Variants in PIK3R1 observed in about 807,000 individuals in gnomAD.
PIK3R1 encodes phosphoinositide-3-kinase regulatory subunit 1, also known as phosphatidylinositol 3-kinase regulatory subunit alpha.
A neutral mutation model predicts 98.0 loss-of-function variants in PIK3R1; 29 were observed. The ratio of observed to expected loss-of-function variants is 0.30; its 90% confidence interval spans 0.22 to 0.40. The LOEUF is 0.40. Ranked by LOEUF, PIK3R1 falls within the 10% of genes least tolerant of loss-of-function variation. The probability of loss-of-function intolerance (pLI) is 1.00; values close to 1 mark genes in which losing one functional copy is unlikely to be tolerated. For missense variants in PIK3R1, 596 were observed against 872.7 expected, an observed-to-expected ratio of 0.68 and a Z score of 3.99; for synonymous variants, 282 against 311.8, an observed-to-expected ratio of 0.90 and a Z score of 1.01.
In PIK3R1 at chr5:68,297,835, T is replaced by A. The variant is rs1747815513; in HGVS notation, c.*234T>A. On this transcript the variant is annotated 3_prime_UTR_variant, in exon 16 of 16. Coordinates refer to ENST00000521381, the MANE Select transcript of PIK3R1 (RefSeq NM_181523.3). ...AGTGCTTATCCCTTCTTTTTCTTTT[T>A]TTCTTTGGTTTAATTTAAAGCCACA... 2.8e-6 allele frequency: 1 copy of A among 357,704 alleles called. No homozygotes were observed. The highest frequency in any genetic ancestry group is 5.0e-6 in the Non-Finnish European group (1 of 198,894). The allele number at this position is 357,704 out of a possible 1,614,324, so 22.2% of individuals were successfully genotyped here.
chr5:68,257,450 G>T (rs1007742167), intron 2 of PIK3R1, among the ~76,000 whole-genome samples: 14 of 152,218 alleles, frequency 9.2e-5, no homozygotes, highest in African/African-American at 3.4e-4. Flanking sequence ...CCTTTGGCTG[G>T]CTGGCTGTGC....
rs371835829 is a variant in PIK3R1, at chr5:68,255,925, G to T, written c.335-17465G>T. Among the ~76,000 whole-genome samples, 6 of 152,344 alleles carry T rather than the reference G, an allele frequency of 3.9e-5. No individual in the cohort carries two copies. In the East Asian group the frequency reaches 7.7e-4, roughly 20 times the overall value. On this transcript the variant is annotated intron_variant, in intron 2 of 15. Coordinates refer to ENST00000521381, the MANE Select transcript of PIK3R1 (RefSeq NM_181523.3). ...AACCACAGAGCCATGGGCCTTGCAG[G>T]CTTGGTAACTGACTGCCTTTGTGGT...
chr5:68,260,994 TAA>T (rs1263145386), intron 2 of PIK3R1, among the ~76,000 whole-genome samples: 2 of 152,208 alleles, frequency 1.3e-5, no homozygotes, highest in Non-Finnish European at 2.9e-5. Flanking sequence ...TTAGAAATTA[TAA>T]GTTAGTGTAG....
intron 2 of PIK3R1, among the ~76,000 whole-genome samples, chr5:68,270,721 CTT>C (rs1746320264): frequency 6.6e-6 from 1 of 152,082 alleles, no homozygotes; most frequent in African/African-American, 2.4e-5. Flanking sequence ...ATAAATAACA[CTT>C]TTCTACATCA....
At position 68,301,517 on chromosome 5, in the gene PIK3R1, AAAATC is replaced by A. The variant is rs1748100834; in HGVS notation, c.*3920_*3924del. On this transcript the variant is annotated 3_prime_UTR_variant, in exon 16 of 16. Coordinates refer to ENST00000521381, the MANE Select transcript of PIK3R1 (RefSeq NM_181523.3). ...ATGCACATATATATATGTATTTAAA[AAAATC>A]AAAACAAAAAAAAACTCATTTATAC... The A allele has an allele frequency of 6.7e-6, 1 of 150,142 alleles. No individual in the cohort carries two copies. Among genetic ancestry groups the A allele is most frequent in the South Asian group, 2.2e-4 (1 of 4,628 alleles). 9.3% of individuals were successfully genotyped at this position (150,142 alleles called of 1,614,324 possible). A position where few individuals can be genotyped will look rare whatever the true frequency, so the allele number is the denominator to read the frequency against.
At chr5:68,263,096 TGTATA>T (rs951745778) in intron 2 of PIK3R1, among the ~76,000 whole-genome samples, 3 of 137,826 alleles carry the variant, frequency 2.2e-5, no homozygotes, top group Non-Finnish European at 4.7e-5. Flanking sequence ...TGTAGATACA[TGTATA>T]TAGATACATA....
intron 2 of PIK3R1, 53 bp from the exon 3 acceptor site, chr5:68,273,337 A>C: frequency 1.4e-6 from 2 of 1,420,618 alleles, no homozygotes; most frequent in Non-Finnish European, 2.0e-6. Context: ...ATTGTGGTCT[A>C]ATGCATTCAA....
At chr5:68,245,815 T>C (rs2112043725) in intron 2 of PIK3R1, among the ~76,000 whole-genome samples, 1 of 152,364 alleles carries the variant, frequency 6.6e-6, no homozygotes, top group Admixed American at 6.5e-5. Context: ...GAAAATTATA[T>C]GAAGCAGTGT....
Position 68,301,436 on chromosome 5 carries a change from G to GTATATATA in PIK3R1, c.*3836_*3837insATATATAT, listed in dbSNP as rs1748081324. Reference sequence around the variant, plus strand: ...TATATATATATATATATATATATGTGTGTGTATATATATATATATGTGTAT... The same window carrying GTATATATA: ...TATATATATATATATATATATATGTGTATATATATGTGTATATATATATATATGTGTAT... On this transcript the variant is annotated 3_prime_UTR_variant, in exon 16 of 16. Transcript: ENST00000521381. 2.8e-5 allele frequency: 3 copies of GTATATATA among 108,900 alleles called. No homozygotes were observed. Among genetic ancestry groups the GTATATATA allele is most frequent in the Non-Finnish European group, 5.2e-5 (3 of 57,218 alleles). The allele number at this position is 108,900 out of a possible 1,614,324, so 6.7% of individuals were successfully genotyped here. A position where few individuals can be genotyped will look rare whatever the true frequency, so the allele number is the denominator to read the frequency against.
intron 7 of PIK3R1, among the ~76,000 whole-genome samples, chr5:68,287,854 G>A (rs981800689): frequency 3.5e-5 from 5 of 143,220 alleles, no homozygotes; most frequent in African/African-American, 1.3e-4. Flanking sequence ...GTATGCATAT[G>A]GTGTGGGGTT....
At chr5:68,226,144 A>T in intron 1 of PIK3R1, 146 bp from the exon 2 acceptor site, 1 of 308,110 alleles carries the variant, frequency 3.2e-6, no homozygotes. Context: ...TGCCTTACTA[A>T]TCTCTGTTGT....
chr5:68,256,809 A>G (rs1414040035), intron 2 of PIK3R1, among the ~76,000 whole-genome samples: 2 of 152,176 alleles, frequency 1.3e-5, no homozygotes, highest in Non-Finnish European at 2.9e-5. Context: ...TGCTCAAGAC[A>G]AGCCTCCTAT....
intron 2 of PIK3R1, among the ~76,000 whole-genome samples, chr5:68,233,049 T>C (rs1418632557): frequency 1.3e-5 from 2 of 152,188 alleles, no homozygotes; most frequent in African/African-American, 4.8e-5. Context: ...ACATTCTGAT[T>C]AGTAAGAATT....
At chr5:68,262,818 GATACATGTAGATACATGT>G (rs1326503484) in intron 2 of PIK3R1, among the ~76,000 whole-genome samples, 3 of 94,978 alleles carry the variant, frequency 3.2e-5, no homozygotes, top group South Asian at 3.6e-4. Flanking sequence ...TATACATGTA[GATACATGTAGATACATGT>G]ATACATGTAG....
Position 68,297,496 on chromosome 5 carries a change from T to C in PIK3R1, c.2070T>C (p.Ser690=). ...CCGAGCCCTATAACTTGTACAGCTCTCTGAAAGAACTGGTGCTACATTACC... is the reference window on the plus strand; with the variant it reads ...CCGAGCCCTATAACTTGTACAGCTCCCTGAAAGAACTGGTGCTACATTACC... ...GFAEPYNLYS[S]LKELVLHYQH... is the part of the protein sequence containing the mutation. The change falls in exon 16 of 16, where the codon TCT becomes TCC. Residue 690 remains serine, a synonymous_variant. Transcript: ENST00000521381. 1 of 1,614,216 alleles carries C rather than the reference T, an allele frequency of 6.2e-7. No individual in the cohort carries two copies. The highest frequency in any genetic ancestry group is 8.5e-7 in the Non-Finnish European group (1 of 1,180,018).
intron 1 of PIK3R1, among the ~76,000 whole-genome samples, chr5:68,217,271 A>G (rs1743921170): frequency 6.6e-6 from 1 of 152,146 alleles, no homozygotes; most frequent in Non-Finnish European, 1.5e-5. Flanking sequence ...TTATATTTTA[A>G]TGCTTCATTA....
intron 2 of PIK3R1, among the ~76,000 whole-genome samples, chr5:68,241,937 A>C (rs1428651813): frequency 6.6e-6 from 1 of 152,242 alleles, no homozygotes; most frequent in African/African-American, 2.4e-5. Context: ...TTGATTGGCC[A>C]ATATCTCATT....
intron 4 of PIK3R1, among the ~76,000 whole-genome samples, chr5:68,275,486 T>G (rs757164709): frequency 6.6e-6 from 1 of 151,064 alleles, no homozygotes; most frequent in African/African-American, 2.4e-5. Context: ...AGGTTTATAA[T>G]GTGATCAACA....
At position 68,226,512 on chromosome 5, in the gene PIK3R1, C is replaced by A; in HGVS notation, c.-164C>A. 1 of 602,178 alleles carries A rather than the reference C, an allele frequency of 1.7e-6. No homozygotes were observed. 37.3% of individuals were successfully genotyped at this position (602,178 alleles called of 1,614,324 possible). ...GAGGACAGATGGACAGCCGTATGGCCAGTCACCTCTCCTCTTAAACCTTTG... is the reference window on the plus strand; with the variant it reads ...GAGGACAGATGGACAGCCGTATGGCAAGTCACCTCTCCTCTTAAACCTTTG... On this transcript the variant is annotated 5_prime_UTR_variant, in exon 2 of 16. Transcript: ENST00000521381.
Sources: allele counts gnomAD v4.1 joint callset (sites outside exome capture counted in the v4.1 genomes callset), GRCh38; gene constraint gnomAD v4.1.1; transcripts MANE v1.5; gene names NCBI Gene and HGNC (gene_info 2026-07-23, HGNC 2026-07-21).